The following CTNNA3 variants were observed in gnomAD, a reference collection of about 807,000 sequenced individuals.
The protein encoded by CTNNA3 is catenin alpha 3.
A neutral mutation model predicts 95.7 loss-of-function variants in CTNNA3; 76 were observed. The ratio of observed to expected loss-of-function variants is 0.79; its 90% CI spans 0.66 to 0.96. The LOEUF (loss-of-function observed/expected upper bound fraction) is 0.96, where lower values mean the gene tolerates loss of function less well. Ranked by LOEUF, CTNNA3 falls within the 40% of genes least tolerant of loss-of-function variation. The probability of loss-of-function intolerance (pLI) is 0.00; values close to 1 mark genes in which losing one functional copy is unlikely to be tolerated. For missense variants in CTNNA3, 1,191 were observed against 1,089.8 expected (o/e 1.09, Z -1.31); for synonymous variants, 431 against 374.4 (o/e 1.15, Z -1.74).
chr10:67,516,057 T>A (rs1488814181), intron 5 of CTNNA3, among the ~76,000 whole-genome samples: 1 of 152,094 alleles, frequency 6.6e-6, no homozygotes, highest in Non-Finnish European at 1.5e-5. Context: ...CTGCCTCCTA[T>A]ATTCAAATGA....
At chr10:66,256,247 C>T (rs1386548113) in intron 13 of CTNNA3, among the ~76,000 whole-genome samples, 5 of 152,158 alleles carry the variant, frequency 3.3e-5, no homozygotes, top group Admixed American at 3.3e-4. Context: ...CAAAAATATG[C>T]AAATTTAGAC....
At chr10:66,515,345 C>CTCTCTCTCTCTCTA (rs558913767) in intron 11 of CTNNA3, among the ~76,000 whole-genome samples, 7 of 148,984 alleles carry the variant, frequency 4.7e-5, no homozygotes, top group African/African-American at 1.7e-4. Context: ...CTCTCTCTCT[C>CTCTCTCTCTCTCTA]TATATATATA....
At chr10:66,524,762 A>G (rs1157631960) in intron 10 of CTNNA3, among the ~76,000 whole-genome samples, 1 of 152,048 alleles carries the variant, frequency 6.6e-6, no homozygotes, top group Admixed American at 6.6e-5. Context: ...AAAAGAAAAA[A>G]AAATAGGCCA....
intron 12 of CTNNA3, among the ~76,000 whole-genome samples, chr10:66,296,153 A>G (rs2091773831): frequency 6.6e-6 from 1 of 152,168 alleles, no homozygotes; most frequent in Non-Finnish European, 1.5e-5. Flanking sequence ...AAATCCACTG[A>G]GAGTATATTT....
At position 66,170,905 on chromosome 10, in the gene CTNNA3, G is replaced by A. The variant is rs540212326; in HGVS notation, c.1885-67656C>T. The stretch of plus-strand genomic sequence containing the variant: ...TCCCAGCACTTTGGGAGGCCGAGGT[G>A]GGTGGATCACTTGAAGTCAGGAGTT... On this transcript the variant is annotated intron_variant, in intron 13 of 17. Transcript: ENST00000433211. Among the ~76,000 whole-genome samples, 6 of 152,112 alleles carry A rather than the reference G, an allele frequency of 3.9e-5. No individual in the cohort carries two copies. The South Asian group carries it at 1.2e-3, about 32-fold the overall frequency.
In CTNNA3 at chr10:66,867,072, A is replaced by T. The variant is rs149583090; in HGVS notation, c.1048-91548T>A. On this transcript the variant is annotated intron_variant, in intron 7 of 17. Transcript: ENST00000433211. ...TAAGATGTGCCTTTCACCTTCTCAC[A>T]TGATTGTGAAGCCTCCCTGGCCACG... Among the ~76,000 whole-genome samples, 985 of 151,208 alleles carry T rather than the reference A, an allele frequency of 6.5e-3. 15 individuals are homozygous for T. Among genetic ancestry groups the T allele is most frequent in the African/African-American group, 0.023 (927 of 40,726 alleles).
At chr10:67,277,065 A>G (rs1159065779) in intron 5 of CTNNA3, among the ~76,000 whole-genome samples, 2 of 152,206 alleles carry the variant, frequency 1.3e-5, no homozygotes, top group Non-Finnish European at 2.9e-5. Context: ...CCAAGATACT[A>G]CTTTAAAATG....
intron 3 of CTNNA3, among the ~76,000 whole-genome samples, chr10:67,552,843 A>T (rs987670826): frequency 6.6e-6 from 1 of 151,818 alleles, no homozygotes; most frequent in Non-Finnish European, 1.5e-5. Context: ...AAAGGACATG[A>T]TCTCATTTCT....
At chr10:67,158,765 AG>A (rs1383296290) in intron 7 of CTNNA3, among the ~76,000 whole-genome samples, 1 of 152,102 alleles carries the variant, frequency 6.6e-6, no homozygotes, top group African/African-American at 2.4e-5. Flanking sequence ...AATGATAAAA[AG>A]CTTCATCGCT....
intron 13 of CTNNA3, among the ~76,000 whole-genome samples, chr10:66,177,109 C>T (rs571644260): frequency 6.6e-6 from 1 of 152,220 alleles, no homozygotes; most frequent in African/African-American, 2.4e-5. Context: ...CAACCTAAAT[C>T]TAACCAGTTA....
chr10:65,954,161 T>A (rs920792332), intron 17 of CTNNA3, among the ~76,000 whole-genome samples: 1 of 152,362 alleles, frequency 6.6e-6, no homozygotes, highest in African/African-American at 2.4e-5. Context: ...TTTTCATGTG[T>A]CTGTTGGCTG....
At chr10:66,050,249 A>T (rs919493501) in intron 15 of CTNNA3, among the ~76,000 whole-genome samples, 3 of 152,038 alleles carry the variant, frequency 2.0e-5, no homozygotes, top group Non-Finnish European at 4.4e-5. Flanking sequence ...ATATTTTCAC[A>T]TGCTCATTTT....
chr10:66,542,427 G>A (rs1841887816), intron 10 of CTNNA3, among the ~76,000 whole-genome samples: 1 of 152,106 alleles, frequency 6.6e-6, no homozygotes, highest in Non-Finnish European at 1.5e-5. Flanking sequence ...CTGCTGTAAA[G>A]ACGCATCCAC....
At chr10:67,750,327 T>C (rs1312590901) in intron 1 of CTNNA3, 2 of 1,524,134 alleles carry the variant, frequency 1.3e-6, no homozygotes, top group Non-Finnish European at 9.1e-7. Context: ...AAGATGCCCA[T>C]TGTGGGCCTG....
chr10:67,478,649 AAAGAAC>A (rs543863350), intron 5 of CTNNA3, among the ~76,000 whole-genome samples: 38 of 152,314 alleles, frequency 2.5e-4, no homozygotes, highest in African/African-American at 8.4e-4. Flanking sequence ...CATGGAAATG[AAAGAAC>A]AATAACTGCT....
At chr10:66,468,185 T>A (rs1838996878) in intron 11 of CTNNA3, among the ~76,000 whole-genome samples, 1 of 152,024 alleles carries the variant, frequency 6.6e-6, no homozygotes, top group African/African-American at 2.4e-5. Flanking sequence ...TAAACAGTGA[T>A]AGAATCAGTA....
intron 10 of CTNNA3, among the ~76,000 whole-genome samples, chr10:66,588,891 G>A (rs972738528): frequency 3.3e-5 from 5 of 151,878 alleles, no homozygotes; most frequent in African/African-American, 1.2e-4. Flanking sequence ...TTGCTAGTGG[G>A]AGTACAGTGG....
rs145555238 is a variant in CTNNA3, at chr10:66,914,838, A to C, written c.1048-139314T>G. 6.0e-3 allele frequency among the ~76,000 whole-genome samples: 908 copies of C among 152,308 alleles called. 7 individuals are homozygous for C. The highest frequency in any genetic ancestry group is 0.02 in the African/African-American group (851 of 41,568). On this transcript the variant is annotated intron_variant, in intron 7 of 17. Coordinates refer to ENST00000433211, the MANE Select transcript of CTNNA3 (RefSeq NM_013266.4). ...AAAGAATGCACATGAATGTTTCTTT[A>C]TTTACAAAAACTTAATTTTATTTAT...
At chr10:66,367,886 T>A (rs914933053) in intron 12 of CTNNA3, among the ~76,000 whole-genome samples, 99 of 12,698 alleles carry the variant, frequency 7.8e-3, no homozygotes, top group African/African-American at 0.02. Flanking sequence ...TAATAATTAT[T>A]ATTATTATTA....
Sources: gnomAD v4.1 joint callset for allele counts (sites outside exome capture counted in the v4.1 genomes callset) on GRCh38, gnomAD v4.1.1 for gene constraint, MANE v1.5 for transcripts, NCBI Gene and HGNC (gene_info 2026-07-23, HGNC 2026-07-21) for gene names.